The following CAMK2B variants were observed in gnomAD, a reference collection of about 807,000 sequenced individuals.
CAMK2B encodes calcium/calmodulin dependent protein kinase II beta.
In CAMK2B, 27 loss-of-function variants were observed where a neutral mutation model predicts 93.7. That is an observed-to-expected ratio of 0.29 (90% CI 0.21 to 0.40). The LOEUF is 0.40. Ranked by LOEUF, CAMK2B falls within the 10% of genes least tolerant of loss-of-function variation. The probability of loss-of-function intolerance (pLI) is 1.00; values close to 1 mark genes in which losing one functional copy is unlikely to be tolerated. For synonymous variants in CAMK2B, 374 were observed against 358.8 expected (o/e 1.04, Z -0.48); for missense variants, 568 against 895.8 (o/e 0.63, Z 4.67).
chr7:44,269,475 GC>G (rs2096952547), intron 2 of CAMK2B, among the ~76,000 whole-genome samples: 1 of 152,194 alleles, frequency 6.6e-6, no homozygotes, highest in South Asian at 2.1e-4. Flanking sequence ...AGGCTTCTCT[GC>G]CCACCCAGGC....
intron 20 of CAMK2B, among the ~76,000 whole-genome samples, chr7:44,221,275 C>G (rs1490333412): frequency 6.6e-6 from 1 of 152,188 alleles, no homozygotes; most frequent in East Asian, 1.9e-4. Flanking sequence ...CGTGAGCCAG[C>G]CCCTGGGCCC....
At chr7:44,290,890 C>T (rs577054072) in intron 1 of CAMK2B, among the ~76,000 whole-genome samples, 1 of 152,284 alleles carries the variant, frequency 6.6e-6, no homozygotes, top group East Asian at 1.9e-4. Context: ...GTTACGTTTA[C>T]AATGTTTGCT....
chr7:44,226,399 A>G (rs2096478923), intron 20 of CAMK2B, 117 bp downstream of exon 20: 1 of 823,090 alleles, frequency 1.2e-6, no homozygotes, highest in East Asian at 3.3e-5. Flanking sequence ...CAGCAGAGGG[A>G]TCCTGTGCCC....
intron 6 of CAMK2B, among the ~76,000 whole-genome samples, chr7:44,246,628 C>T (rs937153741): frequency 1.3e-4 from 20 of 152,052 alleles, no homozygotes; most frequent in African/African-American, 4.6e-4. Flanking sequence ...CACACAGACA[C>T]GCCACCACTC....
At position 44,224,386 on chromosome 7, in the gene CAMK2B, G is replaced by A. The variant is rs964921075; in HGVS notation, c.1597+2130C>T. On this transcript the variant is annotated intron_variant, in intron 20 of 23. Coordinates refer to ENST00000395749, the MANE Select transcript of CAMK2B (RefSeq NM_001220.5). The surrounding 1 kb of genome is among the most constrained non-coding windows in gnomAD (Gnocchi z 4.4). ...AAGGAGGGGGGCCCAACATGAAGAG[G>A]TGCCCGGGTCGGGAAACCTGCTGGC... Among the ~76,000 whole-genome samples, 1 of 152,214 alleles carries A rather than the reference G, an allele frequency of 6.6e-6. No homozygotes were observed. The highest frequency in any genetic ancestry group is 6.5e-5 in the Admixed American group (1 of 15,288).
chr7:44,218,095 T>A lies in CAMK2B; in HGVS notation c.*1430A>T, dbSNP rs1164139448. 6.5e-6 allele frequency: 1 copy of A among 152,732 alleles called. No homozygotes were observed. The highest frequency in any genetic ancestry group is 2.4e-5 in the African/African-American group (1 of 41,452). 9.5% of individuals were successfully genotyped at this position (152,732 alleles called of 1,614,324 possible). Reference sequence around the variant, plus strand: ...TCCATAGCTGCATCCCTGGCCCACCTAGAAGGTGCCCTCACACGCACTGCA... The same window carrying A: ...TCCATAGCTGCATCCCTGGCCCACCAAGAAGGTGCCCTCACACGCACTGCA... On this transcript the variant is annotated 3_prime_UTR_variant, in exon 24 of 24. Coordinates refer to ENST00000395749, the MANE Select transcript of CAMK2B (RefSeq NM_001220.5).
intron 1 of CAMK2B, among the ~76,000 whole-genome samples, chr7:44,317,990 C>T (rs892907114): frequency 2.0e-5 from 3 of 151,968 alleles, no homozygotes; most frequent in African/African-American, 7.3e-5. Context: ...TGGCTAAATG[C>T]GATGGGGCCT....
At chr7:44,241,946 G>A (rs749079977) in intron 10 of CAMK2B, among the ~76,000 whole-genome samples, 163 bp from the exon 11 acceptor site, 3 of 152,164 alleles carry the variant, frequency 2.0e-5, no homozygotes, top group South Asian at 2.1e-4. Flanking sequence ...TTCAAGACTC[G>A]TCTCTCCCTT....
chr7:44,319,012 T>A (rs746455762), intron 1 of CAMK2B, among the ~76,000 whole-genome samples: 49 of 152,226 alleles, frequency 3.2e-4, no homozygotes, highest in Non-Finnish European at 1.3e-4. Context: ...AATTCAAGTT[T>A]TTCTATGAAT....
Position 44,311,875 on chromosome 7 carries a change from G to A in CAMK2B, c.65+13482C>T, listed in dbSNP as rs1280983850. 1.3e-5 allele frequency among the ~76,000 whole-genome samples: 2 copies of A among 151,886 alleles called. No individual in the cohort carries two copies. The highest frequency in any genetic ancestry group is 6.5e-5 in the Admixed American group (1 of 15,272). The stretch of plus-strand genomic sequence containing the variant: ...GACTGCGTGGCTGGCTCCCTGCACC[G>A]TGGACTGACCCTCACGACGCTCCAA... On this transcript the variant is annotated intron_variant, in intron 1 of 23. Transcript: ENST00000395749. The surrounding 1 kb of genome is among the most constrained non-coding windows in gnomAD (Gnocchi z 4.2).
rs369603424 is a variant in CAMK2B at position 44,286,489 on chromosome 7, C to T, written c.66-2264G>A. Among the ~76,000 whole-genome samples, 3 of 152,220 alleles carry T rather than the reference C, an allele frequency of 2.0e-5. No homozygotes were observed. Among genetic ancestry groups the T allele is most frequent in the African/African-American group, 7.2e-5 (3 of 41,438 alleles). ...CCCCGGAGCAGGGAGGAGACCCAAG[C>T]GCAGCTTCCCACCAGCACAGCAGGC... On this transcript the variant is annotated intron_variant, in intron 1 of 23. Transcript: ENST00000395749. This position sits in a 1 kb window ranked among gnomAD's most constrained non-coding sequence, Gnocchi z 4.0.
chr7:44,279,064 AG>A (rs1229224259), intron 2 of CAMK2B, among the ~76,000 whole-genome samples: 4 of 152,040 alleles, frequency 2.6e-5, no homozygotes, highest in African/African-American at 9.7e-5. Context: ...CTGAATCATT[AG>A]AAACACAAAC....
At chr7:44,251,346 T>C (rs2096778751) in intron 5 of CAMK2B, among the ~76,000 whole-genome samples, 1 of 151,742 alleles carries the variant, frequency 6.6e-6, no homozygotes, top group African/African-American at 2.4e-5. Context: ...CGGGTGCCTC[T>C]GTCAGACTCT....
chr7:44,242,788 C>A (rs960503236), intron 8 of CAMK2B, 134 bp from the exon 9 acceptor site: 9 of 655,198 alleles, frequency 1.4e-5, no homozygotes, highest in African/African-American at 8.9e-5. Flanking sequence ...CCTTTGCCCC[C>A]ACCTGTGCAG....
intron 12 of CAMK2B, among the ~76,000 whole-genome samples, chr7:44,240,276 C>A (rs1363388414): frequency 6.6e-6 from 1 of 152,222 alleles, no homozygotes; most frequent in Non-Finnish European, 1.5e-5. Flanking sequence ...TGCAGCTCAT[C>A]CAGAACTTGG....
chr7:44,272,132 T>TA (rs1482529200), intron 2 of CAMK2B, among the ~76,000 whole-genome samples: 4 of 151,254 alleles, frequency 2.6e-5, no homozygotes, highest in Non-Finnish European at 5.9e-5. Context: ...GATGCTGCCA[T>TA]AGTGGGCTGG....
At position 44,240,736 on chromosome 7, in the gene CAMK2B, G is replaced by A; in HGVS notation, c.917C>T (p.Thr306Ile). The change falls in exon 12 of 24, where the codon ACC (threonine) becomes ATC (isoleucine). Residue 306 changes from threonine (T) to isoleucine (I), a missense_variant. Around this residue, in one of 4 missense-constraint regions of CAMK2B, gnomAD observed 105 missense variants for 372.4 expected, o/e 0.28. Coordinates refer to ENST00000395749, the MANE Select transcript of CAMK2B (RefSeq NM_001220.5). ...ARRKLKGAIL[T>I]TMLATRNFSV... ...GAAATTCCGTGTGGCCAGCATGGTG[G>A]TGAGGATGGCTCCCTGGGGAGAGAC... 1 of 1,614,026 alleles carries A rather than the reference G, an allele frequency of 6.2e-7. No individual in the cohort carries two copies. The highest frequency in any genetic ancestry group is 8.5e-7 in the Non-Finnish European group (1 of 1,179,966).
At chr7:44,264,905 C>G (rs1252774498) in intron 2 of CAMK2B, among the ~76,000 whole-genome samples, 1 of 152,206 alleles carries the variant, frequency 6.6e-6, no homozygotes, top group Non-Finnish European at 1.5e-5. Flanking sequence ...CCCAGCAACA[C>G]TGGACATACC....
chr7:44,243,165 C>T (rs556770306), intron 8 of CAMK2B, 85 bp downstream of exon 8: 2 of 1,004,534 alleles, frequency 2.0e-6, no homozygotes, highest in Non-Finnish European at 1.5e-6. Context: ...GCAAGACGTG[C>T]TGGCCACTGC....
Sources: gnomAD v4.1 joint callset for allele counts (sites outside exome capture counted in the v4.1 genomes callset) on GRCh38, gnomAD v4.1.1 for gene constraint, gnomAD v4.1.1 regional missense constraint, Gnocchi (gnomAD v3.1) non-coding constraint, MANE v1.5 for transcripts, NCBI Gene and HGNC (gene_info 2026-07-23, HGNC 2026-07-21) for gene names.